DNAJA3: variants seen among roughly 807,000 people sequenced by gnomAD.
DNAJA3 encodes dnaJ homolog subfamily A member 3, mitochondrial.
Under a neutral mutation model 54.9 loss-of-function variants are expected in DNAJA3, and 29 were observed. The ratio of observed to expected loss-of-function variants is 0.53; its 90% CI spans 0.39 to 0.72. The LOEUF (loss-of-function observed/expected upper bound fraction) is 0.72, where lower values mean the gene tolerates loss of function less well. Ranked by LOEUF, DNAJA3 falls within the 30% of genes least tolerant of loss-of-function variation. The probability of loss-of-function intolerance (pLI) is 0.00; values close to 1 mark genes in which losing one functional copy is unlikely to be tolerated. For missense variants in DNAJA3, 708 were observed against 639.4 expected (o/e 1.11, Z -1.16); for synonymous variants, 302 against 251.4 (o/e 1.20, Z -1.90).
intron 7 of DNAJA3, 86 bp from the exon 8 acceptor site, chr16:4,446,800 C>A: frequency 6.4e-7 from 1 of 1,551,312 alleles, no homozygotes; most frequent in Non-Finnish European, 8.8e-7. Flanking sequence ...TTTGTCAGGT[C>A]TGAGCTTGGG....
chr16:4,437,294 A>C, intron 2 of DNAJA3, 108 bp from the exon 3 acceptor site: 54 of 849,682 alleles, frequency 6.4e-5, no homozygotes, highest in Non-Finnish European at 8.4e-5. Flanking sequence ...TATAAAGGGA[A>C]CATAATTATG....
intron 6 of DNAJA3, among the ~76,000 whole-genome samples, chr16:4,444,230 G>A (rs369687981): frequency 3.9e-5 from 6 of 152,212 alleles, no homozygotes; most frequent in East Asian, 3.9e-4. Context: ...ATTGTTCCTC[G>A]TTAATAAGAA....
chr16:4,444,738 C>T lies in DNAJA3; in HGVS notation c.996+10C>T. The T allele has an allele frequency of 1.2e-6, 2 of 1,613,414 alleles. No homozygotes were observed. The highest frequency in any genetic ancestry group is 1.7e-6 in the Non-Finnish European group (2 of 1,179,566). On this transcript the variant is annotated intron_variant, in intron 7 of 11. Transcript: ENST00000262375. ...TTTCATTACGTTCAGGGTAGGTGCCCTGCCCCGCACAGCTTCTGTTGGGCC... is the reference window on the plus strand; with the variant it reads ...TTTCATTACGTTCAGGGTAGGTGCCTTGCCCCGCACAGCTTCTGTTGGGCC...
chr16:4,452,224 T>C (rs139490215), intron 10 of DNAJA3, among the ~76,000 whole-genome samples: 43 of 152,262 alleles, frequency 2.8e-4, no homozygotes, highest in African/African-American at 1.0e-3. Flanking sequence ...GAAGTGGTAA[T>C]AGAGTAGCTA....
Position 4,443,178 on chromosome 16 carries a change from C to T in DNAJA3, c.931+14C>T. ...CTGTGCCTGCAGGTGGGTGCTTGGG[C>T]CCGCCATGTCCAGGAGCTTGGAGAG... is the stretch of plus-strand genomic sequence containing the variant. On this transcript the variant is annotated intron_variant, in intron 6 of 11. Transcript: ENST00000262375. 2 of 1,613,324 alleles carry T rather than the reference C, an allele frequency of 1.2e-6. No individual in the cohort carries two copies. The highest frequency in any genetic ancestry group is 1.7e-4 in the Middle Eastern group (1 of 5,962).
At chr16:4,455,509 G>A in intron 11 of DNAJA3, 37 bp from the exon 12 acceptor site, 1 of 1,551,200 alleles carries the variant, frequency 6.4e-7, no homozygotes, top group Non-Finnish European at 8.7e-7. Flanking sequence ...CCCTTGAAAT[G>A]TTGAGTATAA....
rs138914502 is a variant in DNAJA3, at chr16:4,445,592, C to G, written c.996+864C>G. ...TTGAGGTGGGGTATTGCTTTGTTGCCTAGGATGAAATGCAGTGGGGCAGTC... is the reference window on the plus strand; with the variant it reads ...TTGAGGTGGGGTATTGCTTTGTTGCGTAGGATGAAATGCAGTGGGGCAGTC... On this transcript the variant is annotated intron_variant, in intron 7 of 11. Transcript: ENST00000262375. Among the ~76,000 whole-genome samples the G allele has an allele frequency of 1.7e-3, 264 of 152,202 alleles. 1 individual carries two copies. Among genetic ancestry groups the G allele is most frequent in the African/African-American group, 6.1e-3 (254 of 41,506 alleles).
At chr16:4,455,145 G>A (rs889816694) in intron 11 of DNAJA3, among the ~76,000 whole-genome samples, 3 of 152,172 alleles carry the variant, frequency 2.0e-5, no homozygotes, top group Non-Finnish European at 2.9e-5. Context: ...CTGGGCTGCC[G>A]CGGCCAGCCT....
At chr16:4,444,362 TA>T (rs1399798140) in intron 6 of DNAJA3, among the ~76,000 whole-genome samples, 2 of 149,670 alleles carry the variant, frequency 1.3e-5, no homozygotes, top group African/African-American at 4.9e-5. Context: ...TTTTTTTTTT[TA>T]AGACGGAGTC....
intron 10 of DNAJA3, 122 bp downstream of exon 10, chr16:4,450,619 G>T (rs989819609): frequency 3.9e-5 from 29 of 737,008 alleles, no homozygotes; most frequent in Non-Finnish European, 4.5e-5. Context: ...TTTAAAATGT[G>T]CAGTTGAAAG....
chr16:4,434,251 C>A, intron 1 of DNAJA3, 133 bp from the exon 2 acceptor site: 1 of 976,922 alleles, frequency 1.0e-6, no homozygotes, highest in Non-Finnish European at 1.5e-6. Context: ...TAGTTGAGAT[C>A]TGGGTGGGGA....
Position 4,448,791 on chromosome 16 carries a change from G to A in DNAJA3, c.1184G>A (p.Arg395Gln), listed in dbSNP as rs770146336. The change falls in exon 9 of 12, where the codon CGG becomes CAG. Residue 395 changes from arginine (R) to glutamine (Q), a missense_variant. Transcript: ENST00000262375. ...CGGATGGGTGGGAAAGGCATCCCCCGGATTAACAGCTACGGCTACGGAGAC... is the reference window on the plus strand; with the variant it reads ...CGGATGGGTGGGAAAGGCATCCCCCAGATTAACAGCTACGGCTACGGAGAC... ...KIRMGGKGIP[R>Q]INSYGYGDHY... is the part of the protein sequence containing the mutation. 17 of 1,614,006 alleles carry A rather than the reference G, an allele frequency of 1.1e-5. No homozygotes were observed. Among genetic ancestry groups the A allele is most frequent in the East Asian group, 2.2e-5 (1 of 44,898 alleles).
chr16:4,432,509 A>G (rs193210451), intron 1 of DNAJA3, among the ~76,000 whole-genome samples: 1 of 149,424 alleles, frequency 6.7e-6, no homozygotes, highest in African/African-American at 2.5e-5. Flanking sequence ...CATCCGGCTA[A>G]TTTTGTATTT....
intron 1 of DNAJA3, among the ~76,000 whole-genome samples, chr16:4,428,875 CAA>C (rs1233203885): frequency 1.4e-5 from 2 of 144,248 alleles, no homozygotes; most frequent in Non-Finnish European, 3.0e-5. Flanking sequence ...CCCATCTCTA[CAA>C]AAAGATTTTT....
Position 4,442,435 on chromosome 16 carries a change from G to A in DNAJA3, c.783+15G>A, listed in dbSNP as rs758068440. 8.3e-6 allele frequency: 13 copies of A among 1,573,054 alleles called. No homozygotes were observed. Among genetic ancestry groups the A allele is most frequent in the Non-Finnish European group, 1.1e-5 (13 of 1,156,860 alleles). On this transcript the variant is annotated intron_variant, in intron 5 of 11. Transcript: ENST00000262375. ...GCTCCGGCATGGTAAGGCTCTGCCC[G>A]AGACTCCACCTCCCACGGCTTGCAC...
rs375940420 is a variant in DNAJA3, at chr16:4,450,330, T to C, written c.1242-70T>C. ...CTCTTCCCATGTGCTGCGAGGGTGC[T>C]GGCTGCCTGTGAGTTCTTTCCAAAG... On this transcript the variant is annotated intron_variant, in intron 9 of 11. Transcript: ENST00000262375. The C allele has an allele frequency of 2.7e-5, 36 of 1,334,462 alleles. No homozygotes were observed. In the African/African-American group the frequency reaches 4.9e-4, roughly 18 times the overall value. 82.7% of individuals were successfully genotyped at this position (1,334,462 alleles called of 1,614,324 possible).
Position 4,444,728 on chromosome 16 carries a change from G to T in DNAJA3, c.996G>T (p.Arg332Ser), listed in dbSNP as rs1301262969. 1 of 1,613,974 alleles carries T rather than the reference G, an allele frequency of 6.2e-7. No homozygotes were observed. ...AAAGGGAAATTTTCATTACGTTCAGGGTAGGTGCCCTGCCCCGCACAGCTT... is the reference window on the plus strand; with the variant it reads ...AAAGGGAAATTTTCATTACGTTCAGTGTAGGTGCCCTGCCCCGCACAGCTT... ...VGKREIFITFRVQKSPVFRRD... is the reference protein window; with the variant it reads ...VGKREIFITFSVQKSPVFRRD... The change falls in exon 7 of 12, where the codon AGG (arginine) becomes AGT (serine). Residue 332 changes from arginine (R) to serine (S), a missense_variant and splice_region_variant. Arg to Ser is a moderately radical substitution (Grantham distance 110). Coordinates refer to ENST00000262375, the MANE Select transcript of DNAJA3 (RefSeq NM_005147.6).
rs771261744 is a variant in DNAJA3, at chr16:4,437,409, A to G, written c.353A>G (p.Lys118Arg). The change falls in exon 3 of 12, where the codon AAG becomes AGG. Residue 118 changes from lysine (K) to arginine (R), a missense_variant. Lys to Arg is a conservative substitution (Grantham distance 26, BLOSUM62 2). Transcript: ENST00000262375. Reference protein sequence around the residue: ...EIKKAYYQLAKKYHPDTNKDD... With the variant: ...EIKKAYYQLARKYHPDTNKDD... Reference sequence around the variant, plus strand: ...ATCATGTTTTTCCCTTAGCTTGCCAAGAAGTATCACCCTGACACAAATAAG... The same window carrying G: ...ATCATGTTTTTCCCTTAGCTTGCCAGGAAGTATCACCCTGACACAAATAAG... 2 of 1,614,100 alleles carry G rather than the reference A, an allele frequency of 1.2e-6. No homozygotes were observed. Among genetic ancestry groups the G allele is most frequent in the Non-Finnish European group, 8.5e-7 (1 of 1,179,998 alleles).
chr16:4,427,649 G>A (rs971287762), intron 1 of DNAJA3, among the ~76,000 whole-genome samples: 1 of 152,192 alleles, frequency 6.6e-6, no homozygotes, highest in Admixed American at 6.6e-5. Flanking sequence ...TTGGATGTGT[G>A]TTTGGTTAAG....
Sources: gnomAD v4.1 joint callset for allele counts (sites outside exome capture counted in the v4.1 genomes callset) on GRCh38, gnomAD v4.1.1 for gene constraint, MANE v1.5 for transcripts, NCBI Gene and HGNC (gene_info 2026-07-23, HGNC 2026-07-21) for gene names.